Variants in SFXN5 observed in about 807,000 individuals in gnomAD.
SFXN5 encodes the protein sideroflexin 5, also known as sideroflexin-5.
SFXN5 carries 43 observed loss-of-function variants against 50.2 expected under a neutral mutation model. That is an observed-to-expected ratio of 0.86 (90% CI 0.67 to 1.11). The LOEUF is 1.11. SFXN5 is among the 50% of genes least tolerant of loss of function. The pLI, the probability that SFXN5 is intolerant of heterozygous loss-of-function variation, is 0.00. For synonymous variants in SFXN5, 203 were observed against 185.8 expected (o/e 1.09, Z -0.75); for missense variants, 463 against 454.1 (o/e 1.02, Z -0.18).
In SFXN5 at chr2:73,062,512, T is replaced by C. The variant is rs114477364; in HGVS notation, c.103-3916A>G. ...TCAGCCTTTGACTTGTCCTATGGTC[T>C]GGCACGGTCTTCATCCTGTCCCAGC... On this transcript the variant is annotated intron_variant, in intron 1 of 13. Coordinates refer to ENST00000272433, the MANE Select transcript of SFXN5 (RefSeq NM_144579.3). Among the ~76,000 whole-genome samples, 339 of 152,346 alleles carry C rather than the reference T, an allele frequency of 2.2e-3. 2 individuals are homozygous for C. Among genetic ancestry groups the C allele is most frequent in the African/African-American group, 8.0e-3 (332 of 41,584 alleles).
At chr2:73,065,913 T>G (rs566949626) in intron 1 of SFXN5, among the ~76,000 whole-genome samples, 1 of 152,350 alleles carries the variant, frequency 6.6e-6, no homozygotes, top group African/African-American at 2.4e-5. Context: ...GTATGTGTGT[T>G]TGTTTCCTGT....
chr2:73,023,805 C>T (rs1677212147), intron 3 of SFXN5, among the ~76,000 whole-genome samples: 1 of 152,108 alleles, frequency 6.6e-6, no homozygotes, highest in Admixed American at 6.5e-5. Context: ...CTGTTGCTGA[C>T]ATTATGCCTG....
At chr2:72,997,402 G>A (rs920792227) in intron 9 of SFXN5, 17 of 152,166 alleles carry the variant, frequency 1.1e-4, no homozygotes, top group African/African-American at 4.1e-4. Context: ...GTTATTGTAT[G>A]TGAATTCTTC....
chr2:72,996,596 C>T (rs1436979111), intron 9 of SFXN5: 1 of 150,828 alleles, frequency 6.6e-6, no homozygotes, highest in Non-Finnish European at 1.5e-5. Flanking sequence ...GCAGCCTCGA[C>T]CTTCCAGGCT....
At chr2:73,051,283 G>T (rs1028116718) in intron 2 of SFXN5, among the ~76,000 whole-genome samples, 1 of 124,628 alleles carries the variant, frequency 8.0e-6, no homozygotes, top group African/African-American at 3.2e-5. Context: ...TTTTGAGACG[G>T]AGTCTTACTC....
intron 1 of SFXN5, chr2:73,059,520 G>T (rs1682572237): frequency 1.0e-6 from 1 of 985,174 alleles, no homozygotes; most frequent in Non-Finnish European, 1.2e-6. Context: ...GCCAATTCCT[G>T]TTCCTTTCCC....
At chr2:72,989,081 G>A (rs1672260928) in intron 9 of SFXN5, among the ~76,000 whole-genome samples, 1 of 152,130 alleles carries the variant, frequency 6.6e-6, no homozygotes, top group Admixed American at 6.6e-5. Context: ...TGACCAACGT[G>A]TCTGAGAAAG....
intron 2 of SFXN5, 91 bp from the exon 3 acceptor site, chr2:73,041,022 GCC>G: frequency 1.0e-6 from 1 of 985,834 alleles, no homozygotes; most frequent in Non-Finnish European, 1.5e-6. Context: ...ATCAAATACT[GCC>G]AGTGCAAGGC....
At chr2:73,031,567 C>T (rs1678311560) in intron 3 of SFXN5, among the ~76,000 whole-genome samples, 1 of 152,202 alleles carries the variant, frequency 6.6e-6, no homozygotes, top group South Asian at 2.1e-4. Flanking sequence ...TTGGAAACTG[C>T]TTCCAGTGAT....
chr2:72,960,272 C>T lies in SFXN5; in HGVS notation c.945+859G>A, dbSNP rs1297765173. On this transcript the variant is annotated intron_variant, in intron 13 of 13. Coordinates refer to ENST00000272433, the MANE Select transcript of SFXN5 (RefSeq NM_144579.3). The surrounding 1 kb of genome is among the most constrained non-coding windows in gnomAD (Gnocchi z 6.1). ...CCACTGCCCTCCCTCGAACCTGCCC[C>T]CGCCTGGCTCCATCTCATTAAGCAC... is the stretch of plus-strand genomic sequence containing the variant. 1.3e-5 allele frequency among the ~76,000 whole-genome samples: 2 copies of T among 152,160 alleles called. No homozygotes were observed. The highest frequency in any genetic ancestry group is 4.8e-5 in the African/African-American group (2 of 41,442).
At chr2:72,958,875 G>A (rs930625808) in intron 13 of SFXN5, among the ~76,000 whole-genome samples, 4 of 152,112 alleles carry the variant, frequency 2.6e-5, no homozygotes, top group South Asian at 2.1e-4. Flanking sequence ...CTTGGTGTGC[G>A]TTGAATGGTG....
chr2:72,993,411 C>T (rs1234322935), intron 9 of SFXN5, among the ~76,000 whole-genome samples: 2 of 152,202 alleles, frequency 1.3e-5, no homozygotes, highest in Non-Finnish European at 2.9e-5. Context: ...TCTGCACAGG[C>T]TAAAACATCA....
chr2:73,021,765 C>T (rs146779537), intron 5 of SFXN5, among the ~76,000 whole-genome samples: 1 of 152,316 alleles, frequency 6.6e-6, no homozygotes, highest in African/African-American at 2.4e-5. Context: ...TGGCTGTGCC[C>T]CATTGCACTG....
chr2:73,012,417 G>A (rs1384347128), intron 6 of SFXN5, among the ~76,000 whole-genome samples: 1 of 151,816 alleles, frequency 6.6e-6, no homozygotes, highest in Non-Finnish European at 1.5e-5. Context: ...AAAATATACA[G>A]AGAAGATTTT....
chr2:73,061,402 A>G (rs759413795), intron 1 of SFXN5, among the ~76,000 whole-genome samples: 2 of 152,300 alleles, frequency 1.3e-5, no homozygotes, highest in South Asian at 2.1e-4. Context: ...TAACATGTGT[A>G]AAAATACAGG....
intron 6 of SFXN5, among the ~76,000 whole-genome samples, chr2:73,019,261 C>T (rs1676531806): frequency 6.6e-6 from 1 of 152,074 alleles, no homozygotes; most frequent in Admixed American, 6.6e-5. Context: ...AAGTGATTTT[C>T]TGTCGGGGTG....
chr2:73,022,727 C>T, intron 4 of SFXN5, 151 bp from the exon 5 acceptor site: 1 of 661,040 alleles, frequency 1.5e-6, no homozygotes, highest in South Asian at 1.8e-5. Context: ...ATACCAGTGG[C>T]TGTATGTTGC....
intron 13 of SFXN5, among the ~76,000 whole-genome samples, chr2:72,954,279 G>C (rs1261868847): frequency 1.3e-5 from 2 of 152,156 alleles, no homozygotes; most frequent in African/African-American, 4.8e-5. Context: ...GCTCAGGGCA[G>C]GAAGCCCTGG....
intron 13 of SFXN5, chr2:72,957,163 G>C (rs183471116): frequency 2.3e-6 from 1 of 439,410 alleles, no homozygotes; most frequent in Non-Finnish European, 4.7e-6. Context: ...TGAAGGTTCC[G>C]TATCTCCAGC....
Sources: gnomAD v4.1 joint callset for allele counts (sites outside exome capture counted in the v4.1 genomes callset) on GRCh38, gnomAD v4.1.1 for gene constraint, Gnocchi (gnomAD v3.1) non-coding constraint, MANE v1.5 for transcripts, NCBI Gene and HGNC (gene_info 2026-07-23, HGNC 2026-07-21) for gene names.